The following SRSF1 variants were observed in gnomAD, a reference collection of about 807,000 sequenced individuals.
SRSF1 encodes serine/arginine-rich splicing factor 1.
In SRSF1, 1 loss-of-function variant was observed where a neutral mutation model predicts 25.9. The ratio of observed to expected loss-of-function variants is 0.04; its 90% CI spans 0.01 to 0.18. The LOEUF is 0.18. Among genes scored for constraint, SRSF1 ranks in the 10% least tolerant of loss-of-function variants. The probability of loss-of-function intolerance (pLI) is 1.00; values close to 1 mark genes in which losing one functional copy is unlikely to be tolerated. For synonymous variants in SRSF1, 132 were observed against 126.2 expected (o/e 1.05, Z -0.31); for missense variants, 65 against 350.5 (o/e 0.19, Z 6.50).
the SRSF1 span, chr17:57,990,186 G>C: frequency 6.5e-6 from 1 of 153,488 alleles, no homozygotes; most frequent in Non-Finnish European, 1.4e-5. Flanking sequence ...GTTATGCTGG[G>C]ATCTAGAAAC....
the SRSF1 span, chr17:57,991,886 C>T: frequency 1.3e-5 from 2 of 152,180 alleles, no homozygotes; most frequent in Non-Finnish European, 2.9e-5. Flanking sequence ...CATTTAAGTT[C>T]CTTGACAACT....
chr17:57,996,030 A>C (rs1299474130), downstream of SRSF1, among the ~76,000 whole-genome samples: 1 of 152,224 alleles, frequency 6.6e-6, no homozygotes, highest in African/African-American at 2.4e-5. Context: ...TACTATTCTA[A>C]GAATATGCAT....
chr17:57,999,957 G>A (rs2075379843), downstream of SRSF1, among the ~76,000 whole-genome samples: 1 of 152,046 alleles, frequency 6.6e-6, no homozygotes. Context: ...GCTGAACTAA[G>A]TGTTGTTTTG....
chr17:57,995,868 C>T, the SRSF1 span, among the ~76,000 whole-genome samples: 1 of 152,132 alleles, frequency 6.6e-6, no homozygotes, highest in African/African-American at 2.4e-5. Flanking sequence ...CAGGACTGGG[C>T]GCAGTGGCTC....
chr17:58,001,022 G>GAAAA lies in SRSF1; in HGVS notation c.*4383_*4384insTTTT. On this transcript the variant is annotated 3_prime_UTR_variant, in exon 4 of 4. Coordinates refer to ENST00000258962, the MANE Select transcript of SRSF1 (RefSeq NM_006924.5). ...GATAAGAGACTGTAATCTGTTTTCTGCGTTTGCAGTCTTCATACTGTGATG... is the reference window on the plus strand; with the variant it reads ...GATAAGAGACTGTAATCTGTTTTCTGAAAACGTTTGCAGTCTTCATACTGTGATG... 6.6e-6 allele frequency among the ~76,000 whole-genome samples: 1 copy of GAAAA among 152,104 alleles called. No individual in the cohort carries two copies. The highest frequency in any genetic ancestry group is 2.1e-4 in the South Asian group (1 of 4,828).
chr17:58,005,047 G>GA lies in SRSF1; in HGVS notation c.*358dup, dbSNP rs2075417447. 1 of 452,106 alleles carries GA rather than the reference G, an allele frequency of 2.2e-6. No individual in the cohort carries two copies. Among genetic ancestry groups the GA allele is most frequent in the Non-Finnish European group, 3.9e-6 (1 of 257,598 alleles). 28.0% of individuals were successfully genotyped at this position (452,106 alleles called of 1,614,324 possible). A position where few individuals can be genotyped will look rare whatever the true frequency, so the allele number is the denominator to read the frequency against. ...ATCCATCTCTTCAGATATGTCTACA[G>GA]AAAGACACATGAAAAGCAAGATAAA... is the stretch of plus-strand genomic sequence containing the variant. On this transcript the variant is annotated 3_prime_UTR_variant, in exon 4 of 4. Transcript: ENST00000258962. The surrounding 1 kb of genome is among the most constrained non-coding windows in gnomAD (Gnocchi z 5.2).
rs991629406 is a variant in SRSF1 at position 58,004,271 on chromosome 17, G to T, written c.*1135C>A. 1 of 152,578 alleles carries T rather than the reference G, an allele frequency of 6.6e-6. No individual in the cohort carries two copies. Among genetic ancestry groups the T allele is most frequent in the South Asian group, 2.1e-4 (1 of 4,832 alleles). 9.5% of individuals were successfully genotyped at this position (152,578 alleles called of 1,614,324 possible). ...TACTGTACAGCGTATTACAGGTTTC[G>T]TGGTTGCAAGAAGTTACGTAATTTA... On this transcript the variant is annotated 3_prime_UTR_variant, in exon 4 of 4. Coordinates refer to ENST00000258962, the MANE Select transcript of SRSF1 (RefSeq NM_006924.5).
the SRSF1 span, chr17:57,992,107 C>T: frequency 6.6e-6 from 1 of 152,190 alleles, no homozygotes; most frequent in Non-Finnish European, 1.5e-5. Flanking sequence ...CAGCAAAAAT[C>T]AATGCTAAAC....
downstream of SRSF1, among the ~76,000 whole-genome samples, chr17:57,999,218 C>CTGAGAAG (rs2075376238): frequency 1.3e-5 from 2 of 152,202 alleles, no homozygotes; most frequent in African/African-American, 4.8e-5. Flanking sequence ...AAGATCATCA[C>CTGAGAAG]ACCTGAAACT....
chr17:57,996,481 C>CT (rs201085092), downstream of SRSF1, among the ~76,000 whole-genome samples: 141 of 1,998 alleles, frequency 0.071, 1 homozygote, highest in Non-Finnish European at 0.11. Flanking sequence ...AAGACACTGT[C>CT]TTAAAAAAAA....
chr17:58,004,705 G>A lies in SRSF1; in HGVS notation c.*701C>T, dbSNP rs1006208252. ...CATTAGTCCCTATTAAAACAAAAAT[G>A]GGGGGAAGGGAGCAAAATAAGTTGC... On this transcript the variant is annotated 3_prime_UTR_variant, in exon 4 of 4. Transcript: ENST00000258962. 3.0e-6 allele frequency: 1 copy of A among 330,736 alleles called. No homozygotes were observed. Among genetic ancestry groups the A allele is most frequent in the African/African-American group, 2.1e-5 (1 of 47,144 alleles). The allele number at this position is 330,736 out of a possible 1,614,324, so 20.5% of individuals were successfully genotyped here.
At position 58,001,457 on chromosome 17, in the gene SRSF1, A is replaced by C. The variant is rs2075389680; in HGVS notation, c.*3949T>G. Among the ~76,000 whole-genome samples, 1 of 152,188 alleles carries C rather than the reference A, an allele frequency of 6.6e-6. No homozygotes were observed. Among genetic ancestry groups the C allele is most frequent in the Non-Finnish European group, 1.5e-5 (1 of 68,008 alleles). ...GTTTTAAAAACAAAATTCAGACCCAAACAATCAAGAACCAGAAAATGGGTT... is the reference window on the plus strand; with the variant it reads ...GTTTTAAAAACAAAATTCAGACCCACACAATCAAGAACCAGAAAATGGGTT... On this transcript the variant is annotated 3_prime_UTR_variant, in exon 4 of 4. Coordinates refer to ENST00000258962, the MANE Select transcript of SRSF1 (RefSeq NM_006924.5).
chr17:58,006,108 G>A (rs990624791), intron 2 of SRSF1, 135 bp from the exon 3 acceptor site: 10 of 999,692 alleles, frequency 1.0e-5, no homozygotes, highest in Non-Finnish European at 1.4e-5. Flanking sequence ...AAGAGAGCTG[G>A]TAAGATTCTG....
At chr17:57,999,984 ACTT>A (rs553527289), downstream of SRSF1, among the ~76,000 whole-genome samples, 6 of 152,226 alleles carry the variant, frequency 3.9e-5, no homozygotes, top group South Asian at 1.2e-3. Flanking sequence ...TAAACAGTAA[ACTT>A]CTTATGAAAA....
At position 58,003,395 on chromosome 17, in the gene SRSF1, A is replaced by T. The variant is rs2075406156; in HGVS notation, c.*2011T>A. On this transcript the variant is annotated 3_prime_UTR_variant, in exon 4 of 4. Coordinates refer to ENST00000258962, the MANE Select transcript of SRSF1 (RefSeq NM_006924.5). ...AGAACTTTTAATTTGCTAACACATT[A>T]ACACAAGAGTCAAAATCTTATCTTA... is the stretch of plus-strand genomic sequence containing the variant. The T allele has an allele frequency of 2.0e-5, 3 of 152,244 alleles. No individual in the cohort carries two copies. The highest frequency in any genetic ancestry group is 1.3e-4 in the Admixed American group (2 of 15,286). The allele number at this position is 152,244 out of a possible 1,614,324, so 9.4% of individuals were successfully genotyped here.
At chr17:57,997,389 A>G (rs8072724), downstream of SRSF1, among the ~76,000 whole-genome samples, 39,181 of 152,104 alleles carry the variant, frequency 0.26, 7,343 homozygotes, top group African/African-American at 0.53. Context: ...CTTTTAGGGA[A>G]TACTAAATTC....
At chr17:57,994,516 G>A in the SRSF1 span, 1 of 152,148 alleles carries the variant, frequency 6.6e-6, no homozygotes, top group Non-Finnish European at 1.5e-5. Flanking sequence ...AAAGGGATGG[G>A]GCACAAATCC....
At position 58,005,303 on chromosome 17, in the gene SRSF1, C is replaced by G. The variant is rs1474609489; in HGVS notation, c.*103G>C. ...ACAAGAATGCAATTCAACACTTTAG[C>G]CCATTCTGAACAAAACAGTTTGAAT... On this transcript the variant is annotated 3_prime_UTR_variant, in exon 4 of 4. Coordinates refer to ENST00000258962, the MANE Select transcript of SRSF1 (RefSeq NM_006924.5). This position sits in a 1 kb window ranked among gnomAD's most constrained non-coding sequence, Gnocchi z 5.2. The G allele has an allele frequency of 7.8e-7, 1 of 1,275,694 alleles. No individual in the cohort carries two copies. The highest frequency in any genetic ancestry group is 2.3e-5 in the East Asian group (1 of 42,944). 79.0% of individuals were successfully genotyped at this position (1,275,694 alleles called of 1,614,324 possible).
rs113040772 is a variant in SRSF1 at position 58,003,164 on chromosome 17, A to T, written c.*2242T>A. On this transcript the variant is annotated 3_prime_UTR_variant, in exon 4 of 4. Transcript: ENST00000258962. Reference sequence around the variant, plus strand: ...TTTTGCACAAAAGCCTATGTTGTCTATGACCACCAGAAAATAAGCAGCATC... The same window carrying T: ...TTTTGCACAAAAGCCTATGTTGTCTTTGACCACCAGAAAATAAGCAGCATC... Among the ~76,000 whole-genome samples the T allele has an allele frequency of 0.016, 2,423 of 152,246 alleles. 39 individuals are homozygous for T. The highest frequency in any genetic ancestry group is 0.022 in the Non-Finnish European group (1,476 of 67,986).
Sources: gnomAD v4.1 joint callset for allele counts (sites outside exome capture counted in the v4.1 genomes callset) on GRCh38, gnomAD v4.1.1 for gene constraint, Gnocchi (gnomAD v3.1) non-coding constraint, MANE v1.5 for transcripts, NCBI Gene and HGNC (gene_info 2026-07-23, HGNC 2026-07-21) for gene names.